Variants in SPTLC3 observed in about 807,000 individuals in gnomAD.
SPTLC3 encodes the protein serine palmitoyltransferase long chain base subunit 3.
In SPTLC3, 36 loss-of-function variants were observed where a neutral mutation model predicts 59.3. That is an observed-to-expected ratio of 0.61 (90% CI 0.47 to 0.80). SPTLC3 has a LOEUF of 0.80. Among genes scored for constraint, SPTLC3 ranks in the 30% least tolerant of loss-of-function variants. The probability of loss-of-function intolerance (pLI) is 0.00; values close to 1 mark genes in which losing one functional copy is unlikely to be tolerated. For synonymous variants in SPTLC3, 257 were observed against 240.8 expected (o/e 1.07, Z -0.62); for missense variants, 625 against 685.1 (o/e 0.91, Z 0.98).
At chr20:13,102,165 C>A (rs1330447837) in intron 6 of SPTLC3, among the ~76,000 whole-genome samples, 1 of 152,120 alleles carries the variant, frequency 6.6e-6, no homozygotes, top group Non-Finnish European at 1.5e-5. Flanking sequence ...AAAAGTTAAA[C>A]CCGTAAACAT....
At chr20:13,083,847 T>C (rs763268172) in intron 4 of SPTLC3, among the ~76,000 whole-genome samples, 1 of 152,170 alleles carries the variant, frequency 6.6e-6, no homozygotes, top group Non-Finnish European at 1.5e-5. Flanking sequence ...ACAACCACAC[T>C]GGTCAACACT....
At chr20:13,043,955 T>C (rs1224434811) in intron 1 of SPTLC3, among the ~76,000 whole-genome samples, 1 of 152,148 alleles carries the variant, frequency 6.6e-6, no homozygotes, top group Non-Finnish European at 1.5e-5. Context: ...AATGGTCTTG[T>C]TGAACTTCTA....
At chr20:13,095,478 T>C (rs139755999) in intron 6 of SPTLC3, among the ~76,000 whole-genome samples, 3 of 152,142 alleles carry the variant, frequency 2.0e-5, no homozygotes, top group Non-Finnish European at 4.4e-5. Context: ...CAAATATCTG[T>C]CATATAGATA....
At chr20:13,052,928 G>C (rs1432032247) in intron 2 of SPTLC3, among the ~76,000 whole-genome samples, 4 of 152,174 alleles carry the variant, frequency 2.6e-5, no homozygotes, top group Admixed American at 2.6e-4. Flanking sequence ...ATCTCCCTGG[G>C]ACAGAGCACC....
intron 1 of SPTLC3, among the ~76,000 whole-genome samples, chr20:13,012,349 G>A (rs1985298197): frequency 6.6e-6 from 1 of 152,120 alleles, no homozygotes; most frequent in Non-Finnish European, 1.5e-5. Context: ...CCAGGTATAG[G>A]TTATGAGCCC....
At chr20:13,152,879 T>C (rs1342731476) in intron 9 of SPTLC3, among the ~76,000 whole-genome samples, 1 of 152,152 alleles carries the variant, frequency 6.6e-6, no homozygotes, top group Non-Finnish European at 1.5e-5. Context: ...GATTGACATG[T>C]TTACTGAAAT....
At chr20:13,058,576 G>A (rs1260843700) in intron 2 of SPTLC3, among the ~76,000 whole-genome samples, 1 of 152,178 alleles carries the variant, frequency 6.6e-6, no homozygotes, top group Non-Finnish European at 1.5e-5. Context: ...TGGTAGTGGG[G>A]GGTGAGGCAG....
chr20:13,014,638 G>A (rs555559786), intron 1 of SPTLC3, among the ~76,000 whole-genome samples: 1 of 152,144 alleles, frequency 6.6e-6, no homozygotes, highest in African/African-American at 2.4e-5. Flanking sequence ...GGTGAACCCA[G>A]GAAGCACAGA....
chr20:13,065,462 T>C (rs1050978459), intron 2 of SPTLC3, among the ~76,000 whole-genome samples: 5 of 151,830 alleles, frequency 3.3e-5, no homozygotes, highest in African/African-American at 1.2e-4. Flanking sequence ...TTCCGGAAAA[T>C]GTATGTCTCT....
chr20:13,011,415 T>C (rs1245910637), intron 1 of SPTLC3, among the ~76,000 whole-genome samples: 1 of 152,144 alleles, frequency 6.6e-6, no homozygotes, highest in Non-Finnish European at 1.5e-5. Flanking sequence ...TACCAGCCCC[T>C]CCAATGATCC....
chr20:13,073,926 G>T, intron 3 of SPTLC3: 1 of 573,326 alleles, frequency 1.7e-6, no homozygotes, highest in Non-Finnish European at 3.5e-6. Context: ...CTTCATCCTG[G>T]ATCATCCAGG....
At chr20:13,148,456 T>A (rs1040287070) in intron 9 of SPTLC3, among the ~76,000 whole-genome samples, 1 of 152,064 alleles carries the variant, frequency 6.6e-6, no homozygotes, top group Non-Finnish European at 1.5e-5. Context: ...TTAAGATGAG[T>A]GAAAGCTTCG....
chr20:13,066,545 C>T (rs1189627721), intron 2 of SPTLC3, among the ~76,000 whole-genome samples: 2 of 152,162 alleles, frequency 1.3e-5, no homozygotes, highest in Non-Finnish European at 2.9e-5. Flanking sequence ...CTTATGACTC[C>T]TTGCATATAC....
At position 13,052,100 on chromosome 20, in the gene SPTLC3, C is replaced by A. The variant is rs180983925; in HGVS notation, c.303+2970C>A. On this transcript the variant is annotated intron_variant, in intron 2 of 11. Transcript: ENST00000399002. ...GGCTGGCAAGATGGCCGAACAGGAA[C>A]AGCTGTGCTCTGCAGCTCCCAGCAA... 4.1e-4 allele frequency among the ~76,000 whole-genome samples: 63 copies of A among 152,194 alleles called. 2 individuals are homozygous for A. The highest frequency in any genetic ancestry group is 3.3e-3 in the South Asian group (16 of 4,816).
chr20:13,093,504 T>C lies in SPTLC3; in HGVS notation c.753T>C (p.Asp251=), dbSNP rs1386721974. The change falls in exon 6 of 12, where the codon GAT becomes GAC. Residue 251 remains aspartate, a synonymous_variant. Coordinates refer to ENST00000399002, the MANE Select transcript of SPTLC3 (RefSeq NM_018327.4). ...CACAGGGATGCCTCATTTTAAGTGA[T>C]GAGTTAAACCACACATCGCTTGTGC... ...LVGKGCLILS[D]ELNHTSLVLG... 2 of 1,613,550 alleles carry C rather than the reference T, an allele frequency of 1.2e-6. No homozygotes were observed. Among genetic ancestry groups the C allele is most frequent in the Middle Eastern group, 1.7e-4 (1 of 6,058 alleles).
At position 13,030,715 on chromosome 20, in the gene SPTLC3, T is replaced by A. The variant is rs376647791; in HGVS notation, c.118-18230T>A. 4.3e-4 allele frequency among the ~76,000 whole-genome samples: 65 copies of A among 152,262 alleles called. 1 individual carries two copies. Among genetic ancestry groups the A allele is most frequent in the Middle Eastern group, 6.8e-3 (2 of 294 alleles). ...TCCTCCTGGAACTGACATTCAGCCA[T>A]GCCTGCCCCTCCCTATCCATGAGCT... is the stretch of plus-strand genomic sequence containing the variant. On this transcript the variant is annotated intron_variant, in intron 1 of 11. Transcript: ENST00000399002.
intron 6 of SPTLC3, among the ~76,000 whole-genome samples, chr20:13,106,767 C>T (rs977064893): frequency 2.6e-5 from 4 of 152,172 alleles, no homozygotes; most frequent in African/African-American, 4.8e-5. Flanking sequence ...GGGGGCTAGC[C>T]TGGGCATTTT....
intron 9 of SPTLC3, among the ~76,000 whole-genome samples, chr20:13,146,683 C>CT (rs1441544084): frequency 1.3e-5 from 2 of 152,298 alleles, no homozygotes; most frequent in East Asian, 3.9e-4. Flanking sequence ...GCCTTGCCTC[C>CT]TGTTAGATCA....
intron 1 of SPTLC3, among the ~76,000 whole-genome samples, chr20:13,020,912 G>C (rs902837557): frequency 1.3e-5 from 2 of 152,144 alleles, no homozygotes; most frequent in Non-Finnish European, 2.9e-5. Flanking sequence ...CAGGCATACA[G>C]TAGATAGTCA....
Sources: gnomAD v4.1 joint callset for allele counts (sites outside exome capture counted in the v4.1 genomes callset) on GRCh38, gnomAD v4.1.1 for gene constraint, MANE v1.5 for transcripts, NCBI Gene and HGNC (gene_info 2026-07-23, HGNC 2026-07-21) for gene names.